ASIC2: variants seen among roughly 807,000 people sequenced by gnomAD.
The protein encoded by ASIC2 is acid-sensing ion channel 2.
A neutral mutation model predicts 57.3 loss-of-function variants in ASIC2; 25 were observed. The observed-to-expected ratio is 0.44, with a 90% confidence interval of 0.32 to 0.61. The LOEUF (loss-of-function observed/expected upper bound fraction) is 0.61, where lower values mean the gene tolerates loss of function less well. Ranked by LOEUF, ASIC2 falls within the 20% of genes least tolerant of loss-of-function variation. The pLI is 0.06. For synonymous variants in ASIC2, 319 were observed against 307.5 expected (o/e 1.04, Z -0.39); for missense variants, 641 against 738.1 (o/e 0.87, Z 1.52).
At chr17:33,905,029 A>C (rs955746893) in intron 1 of ASIC2, among the ~76,000 whole-genome samples, 4 of 151,978 alleles carry the variant, frequency 2.6e-5, no homozygotes, top group Admixed American at 6.6e-5. Flanking sequence ...TCAAATGTGC[A>C]CAGGCTTGGT....
intron 1 of ASIC2, among the ~76,000 whole-genome samples, chr17:34,000,052 T>G (rs965050146): frequency 1.2e-4 from 17 of 139,168 alleles, no homozygotes; most frequent in African/African-American, 5.5e-4. Context: ...GTGTTATTGT[T>G]GTTTTTTTTT....
chr17:33,133,291 A>G (rs1224164059), intron 1 of ASIC2, among the ~76,000 whole-genome samples: 2 of 152,148 alleles, frequency 1.3e-5, no homozygotes, highest in Non-Finnish European at 2.9e-5. Context: ...GCAGGGCTTG[A>G]GTGAATGCGA....
intron 3 of ASIC2, among the ~76,000 whole-genome samples, chr17:33,088,577 T>G (rs2092144838): frequency 6.6e-6 from 1 of 152,218 alleles, no homozygotes; most frequent in Non-Finnish European, 1.5e-5. Flanking sequence ...AAAAAAAATT[T>G]TTTTTAAATT....
chr17:33,043,270 G>A (rs569288690), intron 3 of ASIC2, among the ~76,000 whole-genome samples: 1 of 152,326 alleles, frequency 6.6e-6, no homozygotes, highest in South Asian at 2.1e-4. Context: ...TTGCCACACT[G>A]CTAAGAAGTG....
chr17:34,098,115 A>T (rs1910611456), intron 1 of ASIC2, among the ~76,000 whole-genome samples: 1 of 152,166 alleles, frequency 6.6e-6, no homozygotes, highest in African/African-American at 2.4e-5. Flanking sequence ...TCATGGTTGA[A>T]TTAGACATGG....
intron 1 of ASIC2, among the ~76,000 whole-genome samples, chr17:33,221,916 ATT>A (rs1371484056): frequency 6.6e-6 from 1 of 152,160 alleles, no homozygotes; most frequent in Non-Finnish European, 1.5e-5. Context: ...CCGATGATTG[ATT>A]TGTATTTTCT....
chr17:33,792,041 T>G (rs1056173026), intron 1 of ASIC2: 1 of 152,110 alleles, frequency 6.6e-6, no homozygotes, highest in Admixed American at 6.5e-5. Context: ...AATTTCTGGG[T>G]TCAAGTGATC....
chr17:33,743,757 T>C (rs1910176288), intron 1 of ASIC2, among the ~76,000 whole-genome samples: 1 of 152,216 alleles, frequency 6.6e-6, no homozygotes, highest in Non-Finnish European at 1.5e-5. Context: ...AGTTCTCTTC[T>C]GCATCTCCAG....
intron 1 of ASIC2, among the ~76,000 whole-genome samples, chr17:33,144,138 G>T (rs960531669): frequency 6.9e-6 from 1 of 145,170 alleles, no homozygotes; most frequent in Non-Finnish European, 1.5e-5. Context: ...TACTTTTCTG[G>T]AATTAAAAAA....
intron 1 of ASIC2, among the ~76,000 whole-genome samples, chr17:34,059,204 G>A (rs140749763): frequency 5.4e-4 from 82 of 152,320 alleles, no homozygotes; most frequent in African/African-American, 1.9e-3. Flanking sequence ...AATGAAAAAG[G>A]GAGACCCTTC....
intron 1 of ASIC2, chr17:33,688,843 T>TC (rs1189536606): frequency 6.6e-6 from 1 of 152,152 alleles, no homozygotes; most frequent in Admixed American, 6.5e-5. Context: ...GGCCCATACT[T>TC]CCCCAGGTGT....
chr17:33,746,756 C>T (rs1342085074), intron 1 of ASIC2, among the ~76,000 whole-genome samples: 1 of 152,080 alleles, frequency 6.6e-6, no homozygotes, highest in Non-Finnish European at 1.5e-5. Context: ...TACTCAATTA[C>T]AGCAGAATAT....
intron 1 of ASIC2, among the ~76,000 whole-genome samples, chr17:33,117,391 G>T (rs963293480): frequency 6.6e-6 from 1 of 151,976 alleles, no homozygotes; most frequent in South Asian, 2.1e-4. Flanking sequence ...GGCCAGGCTG[G>T]TCTCAAACTC....
intron 1 of ASIC2, among the ~76,000 whole-genome samples, chr17:33,675,762 G>C (rs954663314): frequency 6.6e-6 from 1 of 152,136 alleles, no homozygotes; most frequent in African/African-American, 2.4e-5. Context: ...CGTAGAGACA[G>C]GGTTTCACCA....
At chr17:33,934,758 A>G (rs968969653) in intron 1 of ASIC2, among the ~76,000 whole-genome samples, 6 of 152,204 alleles carry the variant, frequency 3.9e-5, no homozygotes, top group Non-Finnish European at 7.3e-5. Flanking sequence ...CCTATCTCCA[A>G]CACACTTGCA....
At chr17:33,819,481 G>A (rs1355858759) in intron 1 of ASIC2, among the ~76,000 whole-genome samples, 1 of 152,224 alleles carries the variant, frequency 6.6e-6, no homozygotes, top group East Asian at 1.9e-4. Flanking sequence ...TTGCATTAAT[G>A]CTCTGTACTG....
intron 1 of ASIC2, among the ~76,000 whole-genome samples, chr17:33,790,916 G>A (rs1023698194): frequency 3.3e-5 from 5 of 152,150 alleles, no homozygotes; most frequent in African/African-American, 1.2e-4. Flanking sequence ...TTAGGCAGAT[G>A]CTATATTATC....
intron 1 of ASIC2, among the ~76,000 whole-genome samples, chr17:33,676,814 T>G (rs1315474017): frequency 6.6e-6 from 1 of 152,188 alleles, no homozygotes; most frequent in African/African-American, 2.4e-5. Flanking sequence ...CTCCACCAAA[T>G]CCCACGTTGA....
At chr17:33,286,354 C>T (rs8068089) in intron 1 of ASIC2, among the ~76,000 whole-genome samples, 34,536 of 152,052 alleles carry the variant, frequency 0.23, 4,043 homozygotes, top group East Asian at 0.39. Flanking sequence ...AACAGGGTGG[C>T]AGCTGGGGTG....
Sources: allele counts gnomAD v4.1 joint callset (sites outside exome capture counted in the v4.1 genomes callset), GRCh38; gene constraint gnomAD v4.1.1; transcripts MANE v1.5; gene names NCBI Gene and HGNC (gene_info 2026-07-23, HGNC 2026-07-21).